CAB39L: variants seen among roughly 807,000 people sequenced by gnomAD.
The protein encoded by CAB39L is calcium-binding protein 39-like.
In CAB39L, 23 loss-of-function variants were observed where a neutral mutation model predicts 39.1. The ratio of observed to expected loss-of-function variants is 0.59; its 90% CI spans 0.42 to 0.83. CAB39L has a LOEUF of 0.83. Among genes scored for constraint, CAB39L ranks in the 40% least tolerant of loss-of-function variants. The pLI is 0.00. For synonymous variants in CAB39L, 126 were observed against 137.2 expected, an observed-to-expected ratio of 0.92 and a Z score of 0.57; for missense variants, 366 against 391.9, an observed-to-expected ratio of 0.93 and a Z score of 0.56.
intron 1 of CAB39L, among the ~76,000 whole-genome samples, chr13:49,443,407 C>A (rs187308606): frequency 6.6e-6 from 1 of 151,784 alleles, no homozygotes; most frequent in East Asian, 1.9e-4. Context: ...AAACGCAGAA[C>A]TTGACGCCCA....
intron 10 of CAB39L, among the ~76,000 whole-genome samples, chr13:49,312,174 C>T (rs976809837): frequency 5.3e-5 from 8 of 152,280 alleles, no homozygotes; most frequent in African/African-American, 1.9e-4. Flanking sequence ...GGATTACAGG[C>T]ATGAGCCACC....
chr13:49,415,579 G>A (rs1957072406), intron 3 of CAB39L, among the ~76,000 whole-genome samples: 6 of 151,952 alleles, frequency 3.9e-5, no homozygotes, highest in Admixed American at 3.9e-4. Flanking sequence ...ATATATTTAT[G>A]ATCTATACAC....
chr13:49,399,234 A>G (rs1214474601), intron 3 of CAB39L, among the ~76,000 whole-genome samples: 3 of 151,960 alleles, frequency 2.0e-5, no homozygotes, highest in Non-Finnish European at 4.4e-5. Flanking sequence ...CTAAGTACAA[A>G]CTCAATGGCC....
chr13:49,312,042 T>A lies in CAB39L; in HGVS notation c.835-1049A>T, dbSNP rs964155765. On this transcript the variant is annotated intron_variant, in intron 10 of 10. Coordinates refer to ENST00000409308, the MANE Select transcript of CAB39L (RefSeq NM_001079670.3). ...CCCAGTGGCTAGGACTACAAGTGCA[T>A]GCCACTGCACCTGGCTAATTTAAAA... Among the ~76,000 whole-genome samples the A allele has an allele frequency of 2.0e-5, 3 of 152,244 alleles. No homozygotes were observed. In the South Asian group the frequency reaches 6.2e-4, roughly 32 times the overall value.
chr13:49,371,189 C>CTTTTTT (rs386379129), intron 5 of CAB39L, among the ~76,000 whole-genome samples: 4 of 102,240 alleles, frequency 3.9e-5, no homozygotes, highest in Admixed American at 1.0e-4. Flanking sequence ...CTTTTTCTTT[C>CTTTTTT]TTTTTTTTTT....
At chr13:49,406,333 ATTT>A (rs34078174) in intron 3 of CAB39L, among the ~76,000 whole-genome samples, 1 of 90,632 alleles carries the variant, frequency 1.1e-5, no homozygotes. Context: ...ATGCCCAGCT[ATTT>A]TTTTTTTTTT....
intron 9 of CAB39L, 125 bp downstream of exon 9, chr13:49,339,552 T>C: frequency 9.4e-7 from 1 of 1,063,352 alleles, no homozygotes; most frequent in East Asian, 3.4e-5. Flanking sequence ...TAGTAAATAC[T>C]TCTCAAGTTA....
At chr13:49,356,281 T>TA (rs113005731) in intron 6 of CAB39L, among the ~76,000 whole-genome samples, 2 of 152,086 alleles carry the variant, frequency 1.3e-5, no homozygotes, top group African/African-American at 4.8e-5. Context: ...ATAATAAACT[T>TA]AAAAAAACAG....
intron 5 of CAB39L, among the ~76,000 whole-genome samples, chr13:49,369,363 G>A (rs1177235321): frequency 2.0e-5 from 3 of 152,154 alleles, no homozygotes; most frequent in African/African-American, 7.2e-5. Flanking sequence ...TCCATGCAAT[G>A]GACTACTACT....
At chr13:49,380,968 C>G (rs1956242000) in intron 4 of CAB39L, among the ~76,000 whole-genome samples, 1 of 152,200 alleles carries the variant, frequency 6.6e-6, no homozygotes, top group African/African-American at 2.4e-5. Flanking sequence ...GCTCTTGTCA[C>G]CGAGGCTGGA....
chr13:49,368,787 A>C (rs1377487781), intron 5 of CAB39L, among the ~76,000 whole-genome samples: 1 of 152,190 alleles, frequency 6.6e-6, no homozygotes, highest in Non-Finnish European at 1.5e-5. Context: ...ACTCAAATCA[A>C]ATAAGAAAAG....
chr13:49,393,006 T>C (rs1182482698), intron 3 of CAB39L: 3 of 152,138 alleles, frequency 2.0e-5, no homozygotes, highest in Non-Finnish European at 4.4e-5. Flanking sequence ...AATGGAGGCA[T>C]ACTTACTAAA....
chr13:49,359,845 C>T lies in CAB39L; in HGVS notation c.277-13G>A, dbSNP rs1341079811. On this transcript the variant is annotated splice_polypyrimidine_tract_variant and intron_variant, in intron 5 of 10. Coordinates refer to ENST00000409308, the MANE Select transcript of CAB39L (RefSeq NM_001079670.3). ...CATCTTTTTTTCCCTGTTAAAGAAA[C>T]AAACAGAAATTAAATTGTACACTCT... 2.1e-6 allele frequency: 3 copies of T among 1,462,534 alleles called. No homozygotes were observed. Among genetic ancestry groups the T allele is most frequent in the Admixed American group, 3.4e-5 (2 of 59,320 alleles). 90.6% of individuals were successfully genotyped at this position (1,462,534 alleles called of 1,614,324 possible). A position where few individuals can be genotyped will look rare whatever the true frequency, so the allele number is the denominator to read the frequency against.
rs1954949112 is a variant in CAB39L at position 49,339,676 on chromosome 13, C to T, written c.690+1G>A. On this transcript the variant is annotated splice_donor_variant, in intron 9 of 10. Coordinates refer to ENST00000409308, the MANE Select transcript of CAB39L (RefSeq NM_001079670.3). LOFTEE classifies it high-confidence loss of function. The stretch of plus-strand genomic sequence containing the variant: ...ACTGACTTAAAGAAATTTGATATTA[C>T]CTTTAAAGACTGTCTCTTAGTAACA... 1 of 1,566,858 alleles carries T rather than the reference C, an allele frequency of 6.4e-7. No individual in the cohort carries two copies. The highest frequency in any genetic ancestry group is 1.4e-5 in the African/African-American group (1 of 72,786).
intron 10 of CAB39L, among the ~76,000 whole-genome samples, chr13:49,327,580 G>A (rs149980243): frequency 9.3e-4 from 141 of 151,776 alleles, no homozygotes; most frequent in African/African-American, 2.7e-3. Context: ...CTGGGATTAC[G>A]GGCATGAGCC....
At chr13:49,338,992 A>G (rs555499482) in intron 9 of CAB39L, among the ~76,000 whole-genome samples, 120 of 152,314 alleles carry the variant, frequency 7.9e-4, no homozygotes, top group Non-Finnish European at 1.4e-3. Flanking sequence ...CAGAAGCCCC[A>G]TAACATTTCA....
At position 49,397,593 on chromosome 13, in the gene CAB39L, C is replaced by T. The variant is rs575071914; in HGVS notation, c.-31-14652G>A. Among the ~76,000 whole-genome samples, 9 of 152,104 alleles carry T rather than the reference C, an allele frequency of 5.9e-5. No individual in the cohort carries two copies. In the South Asian group the frequency reaches 1.9e-3, roughly 32 times the overall value. The stretch of plus-strand genomic sequence containing the variant: ...CTACATTTATTATCTAAGGATCCTA[C>T]TAGGCTATTGTAGTTCCAGAAAAAA... On this transcript the variant is annotated intron_variant, in intron 3 of 10. Transcript: ENST00000409308.
intron 3 of CAB39L, among the ~76,000 whole-genome samples, chr13:49,396,766 CAA>C (rs767367250): frequency 6.6e-6 from 1 of 151,768 alleles, no homozygotes; most frequent in Non-Finnish European, 1.5e-5. Flanking sequence ...ACCTGTATTC[CAA>C]ATAGGATTCA....
At chr13:49,331,250 G>T (rs926911687) in intron 10 of CAB39L, among the ~76,000 whole-genome samples, 2 of 152,024 alleles carry the variant, frequency 1.3e-5, no homozygotes, top group Non-Finnish European at 2.9e-5. Flanking sequence ...CGGATCACGA[G>T]GTCAGGAGAT....
Sources: allele counts gnomAD v4.1 joint callset (sites outside exome capture counted in the v4.1 genomes callset), GRCh38; gene constraint gnomAD v4.1.1; transcripts MANE v1.5; gene names NCBI Gene and HGNC (gene_info 2026-07-23, HGNC 2026-07-21).